Variants in STAG1 observed in about 807,000 individuals in gnomAD.
The protein encoded by STAG1 is STAG1 cohesin complex component.
STAG1 carries 26 observed loss-of-function variants against 170.9 expected under a neutral mutation model. That is an observed-to-expected ratio of 0.15 (90% CI 0.11 to 0.21). The LOEUF (loss-of-function observed/expected upper bound fraction) is 0.21. Among genes scored for constraint, STAG1 ranks in the 10% least tolerant of loss-of-function variants. The probability of loss-of-function intolerance (pLI) is 1.00; values close to 1 mark genes in which losing one functional copy is unlikely to be tolerated. For synonymous variants in STAG1, 514 were observed against 497.7 expected (o/e 1.03, Z -0.44); for missense variants, 964 against 1,509.5 (o/e 0.64, Z 5.99).
At chr3:136,430,024 G>A (rs949489336) in intron 16 of STAG1, 1 of 152,160 alleles carries the variant, frequency 6.6e-6, no homozygotes, top group Non-Finnish European at 1.5e-5. Flanking sequence ...GTAGGCTATA[G>A]TAGTTAAGTT....
At position 136,593,678 on chromosome 3, in the gene STAG1, T is replaced by A. The variant is rs192176093; in HGVS notation, c.297+10631A>T. On this transcript the variant is annotated intron_variant, in intron 4 of 33. Coordinates refer to ENST00000383202, the MANE Select transcript of STAG1 (RefSeq NM_005862.3). ...ATCTATCTTGTTTAAACAACTGCTA[T>A]TTTCAGTTTTCCAATTTTATCTTCA... Among the ~76,000 whole-genome samples the A allele has an allele frequency of 8.5e-5, 13 of 152,342 alleles. No homozygotes were observed. In the East Asian group the frequency reaches 2.5e-3, roughly 29 times the overall value.
intron 1 of STAG1, among the ~76,000 whole-genome samples, chr3:136,747,926 G>A (rs1007548744): frequency 8.6e-5 from 13 of 151,252 alleles, no homozygotes; most frequent in South Asian, 2.1e-4. Flanking sequence ...ACAGGTGCCC[G>A]CCACCACACC....
At chr3:136,623,775 T>C (rs1427200417) in intron 2 of STAG1, among the ~76,000 whole-genome samples, 2 of 151,732 alleles carry the variant, frequency 1.3e-5, no homozygotes, top group Non-Finnish European at 2.9e-5. Context: ...GCCAACATAG[T>C]AAAACCCCAT....
chr3:136,577,907 C>T lies in STAG1; in HGVS notation c.298-9046G>A, dbSNP rs573668756. Among the ~76,000 whole-genome samples, 26 of 152,250 alleles carry T rather than the reference C, an allele frequency of 1.7e-4. 1 individual carries two copies. The highest frequency in any genetic ancestry group is 6.3e-4 in the African/African-American group (26 of 41,544). On this transcript the variant is annotated intron_variant, in intron 4 of 33. Coordinates refer to ENST00000383202, the MANE Select transcript of STAG1 (RefSeq NM_005862.3). ...TAGTTCCTGTCGCTGAAAGTGACTA[C>T]AACAGTTTATCTGGTTGGTGCACTG...
chr3:136,386,697 T>A (rs1352711792), intron 22 of STAG1, among the ~76,000 whole-genome samples: 4 of 148,948 alleles, frequency 2.7e-5, no homozygotes, highest in Admixed American at 6.7e-5. Flanking sequence ...ACCTAGCTAA[T>A]TTTTTTTTTG....
intron 21 of STAG1, 109 bp downstream of exon 21, chr3:136,417,776 T>C (rs2087816099): frequency 1.3e-6 from 1 of 756,038 alleles, no homozygotes; most frequent in East Asian, 2.7e-5. Flanking sequence ...AAGAGGCAGC[T>C]GCCCTAATGA....
chr3:136,670,030 T>A (rs1471657544), intron 1 of STAG1, among the ~76,000 whole-genome samples: 5 of 152,206 alleles, frequency 3.3e-5, no homozygotes, highest in Non-Finnish European at 4.4e-5. Context: ...TTCCAGGACC[T>A]GGCACAGTGG....
chr3:136,525,227 G>C (rs1403078681), intron 6 of STAG1, among the ~76,000 whole-genome samples: 2 of 152,122 alleles, frequency 1.3e-5, no homozygotes, highest in East Asian at 3.9e-4. Flanking sequence ...TCTCGTCCTG[G>C]ACTTTTTTTG....
intron 16 of STAG1, 70 bp downstream of exon 16, chr3:136,433,485 AT>A (rs1227119848): frequency 9.0e-7 from 1 of 1,111,624 alleles, no homozygotes; most frequent in Non-Finnish European, 1.3e-6. Context: ...TATCAGTAAA[AT>A]TTCCAAATAT....
chr3:136,564,451 A>G (rs1184367332), intron 5 of STAG1, among the ~76,000 whole-genome samples: 3 of 152,210 alleles, frequency 2.0e-5, no homozygotes, highest in Non-Finnish European at 4.4e-5. Flanking sequence ...AAGAAATGGT[A>G]ACTAAGTATA....
chr3:136,409,650 A>G (rs2087571851), intron 21 of STAG1, among the ~76,000 whole-genome samples: 1 of 152,116 alleles, frequency 6.6e-6, no homozygotes, highest in African/African-American at 2.4e-5. Context: ...ATGTGACTAC[A>G]TTGAAACTCG....
intron 28 of STAG1, among the ~76,000 whole-genome samples, chr3:136,349,646 TA>T (rs200427885): frequency 2.0e-5 from 3 of 151,482 alleles, no homozygotes; most frequent in Admixed American, 6.6e-5. Context: ...ACACCAATGT[TA>T]AAAAAAAATC....
intron 1 of STAG1, among the ~76,000 whole-genome samples, chr3:136,745,827 T>TA (rs1236300955): frequency 1.3e-5 from 2 of 151,952 alleles, no homozygotes; most frequent in Middle Eastern, 3.2e-3. Flanking sequence ...GCTAATAAGG[T>TA]AAAAAACAAA....
chr3:136,690,055 CCA>C (rs1942668673), intron 1 of STAG1, among the ~76,000 whole-genome samples: 1 of 53,056 alleles, frequency 1.9e-5, no homozygotes, highest in African/African-American at 1.0e-4. Flanking sequence ...AAAAAGCAAA[CCA>C]AAAAAAAAAA....
intron 1 of STAG1, among the ~76,000 whole-genome samples, chr3:136,730,982 T>A (rs563014034): frequency 4.6e-5 from 7 of 152,220 alleles, no homozygotes; most frequent in Non-Finnish European, 8.8e-5. Flanking sequence ...AATCTGCATG[T>A]CTAACAAGTT....
At chr3:136,746,866 G>C in intron 1 of STAG1, among the ~76,000 whole-genome samples, 1 of 152,080 alleles carries the variant, frequency 6.6e-6, no homozygotes, top group Admixed American at 6.6e-5. Flanking sequence ...GGAGGCCGAG[G>C]CAGGCGGATC....
At chr3:136,411,310 G>A (rs2107711775) in intron 21 of STAG1, among the ~76,000 whole-genome samples, 1 of 151,186 alleles carries the variant, frequency 6.6e-6, no homozygotes, top group South Asian at 2.1e-4. Context: ...TCTTTCAAAT[G>A]GTTTCATGAA....
intron 21 of STAG1, among the ~76,000 whole-genome samples, chr3:136,416,781 CTAA>C (rs1280132693): frequency 1.3e-5 from 2 of 151,336 alleles, no homozygotes; most frequent in East Asian, 1.9e-4. Flanking sequence ...AAGAAAATGA[CTAA>C]TGTTAGGCAA....
intron 1 of STAG1, among the ~76,000 whole-genome samples, chr3:136,699,302 G>A (rs1942980838): frequency 6.6e-6 from 1 of 152,140 alleles, no homozygotes; most frequent in Admixed American, 6.6e-5. Flanking sequence ...TGAGACCACT[G>A]CTTTATTCAA....
Sources: allele counts gnomAD v4.1 joint callset (sites outside exome capture counted in the v4.1 genomes callset), GRCh38; gene constraint gnomAD v4.1.1; transcripts MANE v1.5; gene names NCBI Gene and HGNC (gene_info 2026-07-23, HGNC 2026-07-21).